Variants in PTPRT observed in about 807,000 individuals in gnomAD.
PTPRT encodes receptor-type tyrosine-protein phosphatase T.
A neutral mutation model predicts 176.8 loss-of-function variants in PTPRT; 56 were observed. The observed-to-expected ratio is 0.32, with a 90% CI of 0.26 to 0.40. PTPRT has a LOEUF of 0.40. Among genes scored for constraint, PTPRT ranks in the 10% least tolerant of loss-of-function variants. The probability of loss-of-function intolerance (pLI) is 1.00; values close to 1 mark genes in which losing one functional copy is unlikely to be tolerated. For synonymous variants in PTPRT, 783 were observed against 739.0 expected (o/e 1.06, Z -0.96); for missense variants, 1,540 against 1,908.2 (o/e 0.81, Z 3.60).
intron 1 of PTPRT, among the ~76,000 whole-genome samples, chr20:43,026,790 T>A (rs1287229135): frequency 6.6e-6 from 1 of 152,156 alleles, no homozygotes; most frequent in Non-Finnish European, 1.5e-5. Flanking sequence ...TTGTTTTAAT[T>A]TTTAGCTCCC....
chr20:42,815,922 T>C (rs1052267659), intron 2 of PTPRT, among the ~76,000 whole-genome samples: 15 of 152,262 alleles, frequency 9.9e-5, no homozygotes, highest in African/African-American at 3.6e-4. Context: ...GGAAATTATA[T>C]GAGAATGTAG....
chr20:42,291,426 A>C (rs2057314905), intron 12 of PTPRT, among the ~76,000 whole-genome samples: 1 of 152,196 alleles, frequency 6.6e-6, no homozygotes, highest in Non-Finnish European at 1.5e-5. Context: ...TGCAATAAAC[A>C]CACATAGGTA....
intron 1 of PTPRT, among the ~76,000 whole-genome samples, chr20:43,008,803 T>TGAGCCCAGA (rs1299319156): frequency 1.3e-5 from 2 of 152,224 alleles, no homozygotes; most frequent in Non-Finnish European, 2.9e-5. Flanking sequence ...AGGCTCCTAG[T>TGAGCCCAGA]GAGCCCAGAG....
intron 7 of PTPRT, among the ~76,000 whole-genome samples, chr20:42,656,283 A>C (rs966741691): frequency 3.3e-5 from 5 of 152,132 alleles, no homozygotes; most frequent in Admixed American, 3.3e-4. Flanking sequence ...AGGTGCTAAA[A>C]ATTCAGAGCC....
intron 7 of PTPRT, among the ~76,000 whole-genome samples, chr20:42,563,632 G>A (rs2072990434): frequency 6.6e-6 from 1 of 152,140 alleles, no homozygotes; most frequent in South Asian, 2.1e-4. Context: ...AAGTAAAGTA[G>A]GGTACATACA....
intron 9 of PTPRT, among the ~76,000 whole-genome samples, chr20:42,405,642 G>A (rs1039528967): frequency 1.2e-4 from 19 of 152,096 alleles, no homozygotes; most frequent in Non-Finnish European, 2.5e-4. Context: ...GAATAGTGCC[G>A]CAATAAACAT....
At chr20:42,629,646 G>A (rs182328265) in intron 7 of PTPRT, among the ~76,000 whole-genome samples, 1 of 152,146 alleles carries the variant, frequency 6.6e-6, no homozygotes, top group African/African-American at 2.4e-5. Context: ...TCCTAAGATG[G>A]TCTGCTTGGT....
chr20:42,690,213 T>G (rs1431686127), intron 6 of PTPRT, among the ~76,000 whole-genome samples: 3 of 152,020 alleles, frequency 2.0e-5, no homozygotes, highest in African/African-American at 7.2e-5. Flanking sequence ...AGGTCAAAAG[T>G]GACCTGATCA....
intron 2 of PTPRT, among the ~76,000 whole-genome samples, chr20:42,859,026 T>C (rs1404298989): frequency 6.6e-6 from 1 of 152,182 alleles, no homozygotes; most frequent in Non-Finnish European, 1.5e-5. Context: ...TTAGGGCTCT[T>C]ACTCTCTCCT....
chr20:42,845,573 A>G (rs1406539935), intron 2 of PTPRT, among the ~76,000 whole-genome samples: 2 of 152,118 alleles, frequency 1.3e-5, no homozygotes, highest in Non-Finnish European at 2.9e-5. Flanking sequence ...CTCCTTGTTG[A>G]GAGGGCACAC....
At chr20:42,754,582 C>T (rs1165874228) in intron 6 of PTPRT, among the ~76,000 whole-genome samples, 1 of 152,218 alleles carries the variant, frequency 6.6e-6, no homozygotes, top group Non-Finnish European at 1.5e-5. Flanking sequence ...CATACCGGGC[C>T]ACACAAATTA....
intron 1 of PTPRT, among the ~76,000 whole-genome samples, chr20:42,891,577 T>A (rs750548162): frequency 7.9e-5 from 12 of 152,246 alleles, no homozygotes; most frequent in Non-Finnish European, 1.8e-4. Context: ...CATTAAAGCA[T>A]AAATAAAGTT....
chr20:42,751,687 CTCCTA>C (rs2076772516), intron 6 of PTPRT, among the ~76,000 whole-genome samples: 1 of 152,170 alleles, frequency 6.6e-6, no homozygotes, highest in East Asian at 1.9e-4. Flanking sequence ...CTTCGTCTTC[CTCCTA>C]TGCTGCCCTC....
chr20:42,079,273 A>G lies in PTPRT; in HGVS notation c.*1606T>C, dbSNP rs1983080313. 1 of 207,602 alleles carries G rather than the reference A, an allele frequency of 4.8e-6. No individual in the cohort carries two copies. Among genetic ancestry groups the G allele is most frequent in the South Asian group, 1.9e-4 (1 of 5,314 alleles). 12.9% of individuals were successfully genotyped at this position (207,602 alleles called of 1,614,324 possible). ...GAAGAACTGGCATCAGGAAGAAAGT[A>G]CTAAATTTCCATTTGTGGAGTTATC... is the stretch of plus-strand genomic sequence containing the variant. On this transcript the variant is annotated 3_prime_UTR_variant, in exon 31 of 31. Coordinates refer to ENST00000373187, the MANE Select transcript of PTPRT (RefSeq NM_007050.6).
intron 7 of PTPRT, among the ~76,000 whole-genome samples, chr20:42,650,057 A>C (rs1445497895): frequency 6.6e-6 from 1 of 152,210 alleles, no homozygotes; most frequent in East Asian, 1.9e-4. Context: ...ACTCAGCTGC[A>C]AGAGGGGCAT....
intron 30 of PTPRT, among the ~76,000 whole-genome samples, chr20:42,081,196 A>ACTGTAACG (rs1186005426): frequency 1.3e-5 from 2 of 152,198 alleles, no homozygotes; most frequent in East Asian, 3.9e-4. Context: ...GGCTTCTCAA[A>ACTGTAACG]CTGTAACGTG....
At chr20:42,884,254 G>A (rs1468866241) in intron 2 of PTPRT, among the ~76,000 whole-genome samples, 1 of 152,170 alleles carries the variant, frequency 6.6e-6, no homozygotes, top group Non-Finnish European at 1.5e-5. Flanking sequence ...CACCAGATCT[G>A]AAATGCTCAA....
At chr20:42,529,898 G>T (rs920524052) in intron 7 of PTPRT, among the ~76,000 whole-genome samples, 1 of 151,346 alleles carries the variant, frequency 6.6e-6, no homozygotes, top group Non-Finnish European at 1.5e-5. Context: ...TGTCCTTTGG[G>T]CATACAACTG....
At chr20:42,322,590 A>G (rs1347411912) in intron 11 of PTPRT, among the ~76,000 whole-genome samples, 1 of 146,546 alleles carries the variant, frequency 6.8e-6, no homozygotes, top group East Asian at 2.0e-4. Flanking sequence ...CCTTCCTTAC[A>G]CCTTATACAA....
Sources: gnomAD v4.1 joint callset for allele counts (sites outside exome capture counted in the v4.1 genomes callset) on GRCh38, gnomAD v4.1.1 for gene constraint, MANE v1.5 for transcripts, NCBI Gene and HGNC (gene_info 2026-07-23, HGNC 2026-07-21) for gene names.